ABCC1: variants seen among roughly 807,000 people sequenced by gnomAD.
ABCC1 encodes the protein ATP binding cassette subfamily C member 1 (ABCC1 blood group).
ABCC1 carries 83 observed loss-of-function variants against 172.9 expected under a neutral mutation model. The ratio of observed to expected loss-of-function variants is 0.48; its 90% CI spans 0.40 to 0.58. The LOEUF (loss-of-function observed/expected upper bound fraction) is 0.58. Among genes scored for constraint, ABCC1 ranks in the 20% least tolerant of loss-of-function variants. The probability of loss-of-function intolerance (pLI) is 0.00; values close to 1 mark genes in which losing one functional copy is unlikely to be tolerated. For synonymous variants in ABCC1, 937 were observed against 825.2 expected, an observed-to-expected ratio of 1.14 and a Z score of -2.32; for missense variants, 1,817 against 2,002.7, an observed-to-expected ratio of 0.91 and a Z score of 1.77.
At chr16:16,108,620 A>G (rs2052249812) in intron 21 of ABCC1, among the ~76,000 whole-genome samples, 1 of 146,970 alleles carries the variant, frequency 6.8e-6, no homozygotes, top group African/African-American at 2.5e-5. Flanking sequence ...TTCTGAGACA[A>G]GGTCTGACTC....
intron 5 of ABCC1, among the ~76,000 whole-genome samples, chr16:16,020,005 T>C (rs1325251294): frequency 2.0e-5 from 3 of 152,180 alleles, no homozygotes; most frequent in Admixed American, 2.0e-4. Flanking sequence ...CTCTGCAGCC[T>C]CTGCCTCCCA....
rs2049183454 is a variant in ABCC1, at chr16:16,045,820, C to T, written c.1041-16C>T. The T allele has an allele frequency of 6.2e-7, 1 of 1,613,194 alleles. No homozygotes were observed. The highest frequency in any genetic ancestry group is 1.3e-5 in the African/African-American group (1 of 74,920). ...TGTCACAAGTCATTCCAGGCCCTCTCTTTGCTCCTTTGCAGGTTGCTCATC... is the reference window on the plus strand; with the variant it reads ...TGTCACAAGTCATTCCAGGCCCTCTTTTTGCTCCTTTGCAGGTTGCTCATC... On this transcript the variant is annotated splice_polypyrimidine_tract_variant and intron_variant, in intron 8 of 30. Coordinates refer to ENST00000399410, the MANE Select transcript of ABCC1 (RefSeq NM_004996.4).
At chr16:15,968,055 C>G (rs752124443) in intron 1 of ABCC1, among the ~76,000 whole-genome samples, 1 of 152,108 alleles carries the variant, frequency 6.6e-6, no homozygotes, top group South Asian at 2.1e-4. Context: ...TTTTTTGAGA[C>G]GGAGTCTTGC....
chr16:15,974,035 G>T (rs2046429787), intron 1 of ABCC1, among the ~76,000 whole-genome samples: 1 of 152,106 alleles, frequency 6.6e-6, no homozygotes, highest in Admixed American at 6.6e-5. Flanking sequence ...ATAGAGACTG[G>T]TGAGGACACA....
At chr16:16,056,967 C>T (rs1414601406) in intron 12 of ABCC1, among the ~76,000 whole-genome samples, 1 of 152,058 alleles carries the variant, frequency 6.6e-6, no homozygotes, top group Non-Finnish European at 1.5e-5. Flanking sequence ...CTTATTTTGT[C>T]ACCAACTGGT....
chr16:16,104,148 C>G (rs1409834804), intron 20 of ABCC1, among the ~76,000 whole-genome samples: 2 of 152,072 alleles, frequency 1.3e-5, no homozygotes, highest in Non-Finnish European at 2.9e-5. Flanking sequence ...CAATGTGGAC[C>G]CAAACACTGA....
chr16:15,949,238 G>A (rs76746902), upstream of ABCC1, among the ~76,000 whole-genome samples: 506 of 150,368 alleles, frequency 3.4e-3, 7 homozygotes, highest in African/African-American at 0.011. Context: ...GCACAGTTAA[G>A]GCGCCCGGTA....
chr16:16,008,100 CCTT>C lies in ABCC1; in HGVS notation c.225+114_225+116del. 7.0e-6 allele frequency: 8 copies of C among 1,138,482 alleles called. No homozygotes were observed. In the South Asian group the frequency reaches 1.1e-4, roughly 16 times the overall value. The allele number at this position is 1,138,482 out of a possible 1,614,324, so 70.5% of individuals were successfully genotyped here. A position where few individuals can be genotyped will look rare whatever the true frequency, so the allele number is the denominator to read the frequency against. ...TCTTCTACTTAGTTGACCCTAAGTT[CCTT>C]CTTCTAGAAGGCAGAAGAATAATGT... On this transcript the variant is annotated intron_variant, in intron 2 of 30. Transcript: ENST00000399410.
intron 12 of ABCC1, among the ~76,000 whole-genome samples, chr16:16,064,240 C>G (rs920887687): frequency 1.3e-5 from 2 of 152,252 alleles, no homozygotes; most frequent in African/African-American, 4.8e-5. Context: ...CTTTTGCACC[C>G]TAGACCCTCG....
In ABCC1 at chr16:16,066,944, G is replaced by A. The variant is rs143867076; in HGVS notation, c.1678-1212G>A. 3.9e-3 allele frequency among the ~76,000 whole-genome samples: 593 copies of A among 151,706 alleles called. 4 individuals carry two copies. The highest frequency in any genetic ancestry group is 0.013 in the African/African-American group (543 of 41,358). On this transcript the variant is annotated intron_variant, in intron 12 of 30. Coordinates refer to ENST00000399410, the MANE Select transcript of ABCC1 (RefSeq NM_004996.4). ...TCTTTAGGTAAGATGCCAGTGTTGC[G>A]TTACCGCTTAGAAGATGGGAGCCAG... is the stretch of plus-strand genomic sequence containing the variant.
At chr16:16,059,736 C>G (rs1157839456) in intron 12 of ABCC1, among the ~76,000 whole-genome samples, 1 of 151,934 alleles carries the variant, frequency 6.6e-6, no homozygotes, top group Non-Finnish European at 1.5e-5. Context: ...ACCCAGGAGG[C>G]AGAAGTTGCA....
intron 7 of ABCC1, 121 bp from the exon 8 acceptor site, chr16:16,044,329 C>T: frequency 1.1e-6 from 1 of 872,672 alleles, no homozygotes; most frequent in South Asian, 1.6e-5. Flanking sequence ...TGCCTCTTTC[C>T]CTGGGCTTGT....
At chr16:16,040,686 C>T (rs543745522) in intron 7 of ABCC1, among the ~76,000 whole-genome samples, 1 of 152,080 alleles carries the variant, frequency 6.6e-6, no homozygotes, top group Non-Finnish European at 1.5e-5. Context: ...ACAGGTCTCA[C>T]TGTGTTGCCC....
intron 3 of ABCC1, among the ~76,000 whole-genome samples, chr16:16,012,363 C>T (rs982716062): frequency 7.2e-5 from 11 of 152,136 alleles, no homozygotes; most frequent in Admixed American, 6.5e-5. Context: ...GAGCCTGGCC[C>T]TGTGCCTGGC....
chr16:16,080,740 A>G (rs2050773982), intron 16 of ABCC1, among the ~76,000 whole-genome samples: 1 of 152,196 alleles, frequency 6.6e-6, no homozygotes, highest in Non-Finnish European at 1.5e-5. Flanking sequence ...CTGCAAGGAG[A>G]AAAAATCTAT....
At chr16:15,998,994 T>TA (rs1029356643) in intron 1 of ABCC1, among the ~76,000 whole-genome samples, 1 of 151,854 alleles carries the variant, frequency 6.6e-6, no homozygotes, top group Admixed American at 6.6e-5. Context: ...TTAAAAAAAT[T>TA]AAAAAAAAAT....
Position 16,138,380 on chromosome 16 carries a change from C to T in ABCC1, c.4309C>T (p.Leu1437Phe). 6.3e-7 allele frequency: 1 copy of T among 1,592,532 alleles called. No individual in the cohort carries two copies. Among genetic ancestry groups the T allele is most frequent in the Non-Finnish European group, 8.6e-7 (1 of 1,162,760 alleles). ...GENLSVGQRQ[L>F]VCLARALLRK... ...CCGGTCAAGTGTCGGGCAGCGCCAG[C>T]TTGTGTGCCTAGCCCGGGCCCTGCT... The change falls in exon 30 of 31, where the codon CTT becomes TTT. Residue 1437 changes from leucine (L) to phenylalanine (F), a missense_variant. Coordinates refer to ENST00000399410, the MANE Select transcript of ABCC1 (RefSeq NM_004996.4).
At chr16:16,053,660 G>A (rs374979831) in intron 11 of ABCC1, among the ~76,000 whole-genome samples, 14 of 151,174 alleles carry the variant, frequency 9.3e-5, no homozygotes, top group African/African-American at 3.4e-4. Context: ...GGTGATGCGT[G>A]CCTGTAGTCC....
At chr16:16,037,284 G>T (rs1597152276) in intron 7 of ABCC1, among the ~76,000 whole-genome samples, 1 of 152,272 alleles carries the variant, frequency 6.6e-6, no homozygotes, top group African/African-American at 2.4e-5. Context: ...ACGTAAGTCT[G>T]TTTAGCCAAA....
Sources: gnomAD v4.1 joint callset for allele counts (sites outside exome capture counted in the v4.1 genomes callset) on GRCh38, gnomAD v4.1.1 for gene constraint, MANE v1.5 for transcripts, NCBI Gene and HGNC (gene_info 2026-07-23, HGNC 2026-07-21) for gene names.